The following DOCK4 variants were observed in gnomAD, a reference collection of about 807,000 sequenced individuals.
DOCK4 encodes dedicator of cytokinesis protein 4.
DOCK4 carries 97 observed loss-of-function variants against 268.1 expected under a neutral mutation model. The ratio of observed to expected loss-of-function variants is 0.36; its 90% CI spans 0.31 to 0.43. DOCK4 has a LOEUF of 0.43. DOCK4 is among the 20% of genes least tolerant of loss of function. The probability of loss-of-function intolerance (pLI) is 1.00; values close to 1 mark genes in which losing one functional copy is unlikely to be tolerated. For missense variants in DOCK4, 2,145 were observed against 2,455.7 expected (o/e 0.87, Z 2.67); for synonymous variants, 954 against 887.2 (o/e 1.08, Z -1.34).
chr7:112,171,542 C>G (rs1332397456), intron 1 of DOCK4, among the ~76,000 whole-genome samples: 1 of 151,348 alleles, frequency 6.6e-6, no homozygotes, highest in Non-Finnish European at 1.5e-5. Context: ...TAGGTGTACT[C>G]TATACAGCAT....
Position 111,736,950 on chromosome 7 carries a change from G to A in DOCK4, c.5272C>T (p.Arg1758Cys), listed in dbSNP as rs768706438. The A allele has an allele frequency of 2.7e-5, 43 of 1,605,008 alleles. No individual in the cohort carries two copies. The highest frequency in any genetic ancestry group is 4.0e-5 in the African/African-American group (3 of 74,832). Residue 1758 changes from arginine (R) to cysteine (C), a missense_variant, in exon 50 of 53, where the codon CGC (arginine) becomes TGC (cysteine). By Grantham distance (180) the Arg-to-Cys change is radical (BLOSUM62 -3). Coordinates refer to ENST00000428084, the MANE Select transcript of DOCK4 (RefSeq NM_001363540.2). ...FNHIGDGALPRSDPNLSAPEK... is the reference protein window; with the variant it reads ...FNHIGDGALPCSDPNLSAPEK... ...GGTGCAGAGAGATTTGGGTCACTGC[G>A]TGGCAAGGCCCCGTCTCCAATATGA...
At chr7:111,847,860 T>C (rs538472122) in intron 23 of DOCK4, among the ~76,000 whole-genome samples, 4 of 152,318 alleles carry the variant, frequency 2.6e-5, no homozygotes, top group African/African-American at 9.6e-5. Flanking sequence ...ACACTCCCTT[T>C]TCTCCCCAAG....
At chr7:112,066,105 C>T (rs1211229984) in intron 1 of DOCK4, among the ~76,000 whole-genome samples, 2 of 152,080 alleles carry the variant, frequency 1.3e-5, no homozygotes, top group African/African-American at 4.8e-5. Flanking sequence ...AGCTGGTAAG[C>T]CATTATTTGG....
chr7:111,949,565 C>G (rs1358692394), intron 8 of DOCK4, among the ~76,000 whole-genome samples: 1 of 151,432 alleles, frequency 6.6e-6, no homozygotes, highest in Non-Finnish European at 1.5e-5. Context: ...AAGATACAAA[C>G]AGACTGAAAA....
At chr7:111,748,722 G>A (rs1018536353) in intron 42 of DOCK4, among the ~76,000 whole-genome samples, 6 of 152,108 alleles carry the variant, frequency 3.9e-5, no homozygotes, top group African/African-American at 1.2e-4. Context: ...GTGTGTGTGT[G>A]TATATCGATT....
intron 1 of DOCK4, among the ~76,000 whole-genome samples, chr7:112,051,067 A>G (rs1176449796): frequency 6.6e-6 from 1 of 152,160 alleles, no homozygotes; most frequent in Non-Finnish European, 1.5e-5. Context: ...TTAGGCACAC[A>G]TATATGTTAA....
At chr7:111,800,367 C>A (rs990850492) in intron 30 of DOCK4, among the ~76,000 whole-genome samples, 1 of 152,126 alleles carries the variant, frequency 6.6e-6, no homozygotes, top group Non-Finnish European at 1.5e-5. Flanking sequence ...ATTATTTTAG[C>A]CACCCAATAA....
intron 40 of DOCK4, among the ~76,000 whole-genome samples, chr7:111,759,869 G>A (rs936001342): frequency 6.6e-6 from 1 of 152,012 alleles, no homozygotes; most frequent in Non-Finnish European, 1.5e-5. Context: ...CACAGGATAT[G>A]TCAAAGGAAG....
At chr7:112,115,200 C>T (rs1425622576) in intron 1 of DOCK4, among the ~76,000 whole-genome samples, 4 of 152,192 alleles carry the variant, frequency 2.6e-5, no homozygotes, top group African/African-American at 9.6e-5. Flanking sequence ...AAAAGAATCA[C>T]CTGGCAATCT....
At chr7:111,888,789 C>T (rs566850156) in intron 16 of DOCK4, among the ~76,000 whole-genome samples, 3 of 152,228 alleles carry the variant, frequency 2.0e-5, no homozygotes, top group Middle Eastern at 3.4e-3. Flanking sequence ...AACTAGGACA[C>T]ATGGAAAATT....
At chr7:111,868,197 A>C in intron 21 of DOCK4, 43 bp from the exon 22 acceptor site, 1 of 1,459,410 alleles carries the variant, frequency 6.9e-7, no homozygotes, top group Non-Finnish European at 9.3e-7. Context: ...AAGGAGACAA[A>C]GAGTATTTAT....
chr7:111,802,799 A>G (rs1399922790), intron 30 of DOCK4, among the ~76,000 whole-genome samples: 4 of 152,166 alleles, frequency 2.6e-5, no homozygotes, highest in African/African-American at 9.7e-5. Context: ...AAAAAAATCC[A>G]TACATCCATC....
At chr7:111,951,850 G>A (rs1380675525) in intron 8 of DOCK4, among the ~76,000 whole-genome samples, 1 of 151,834 alleles carries the variant, frequency 6.6e-6, no homozygotes, top group Non-Finnish European at 1.5e-5. Context: ...GTGTACTCCA[G>A]GGGTAAGACC....
rs779924725 is a variant in DOCK4 at position 111,824,036 on chromosome 7, G to A, written c.2836-1580C>T. The stretch of plus-strand genomic sequence containing the variant: ...ACACATATGTTGATATGTAGTATGC[G>A]CCATGTGGAAACATGCCCACTAGGT... On this transcript the variant is annotated intron_variant, in intron 26 of 52. Coordinates refer to ENST00000428084, the MANE Select transcript of DOCK4 (RefSeq NM_001363540.2). Among the ~76,000 whole-genome samples the A allele has an allele frequency of 8.5e-5, 13 of 152,216 alleles. 1 individual carries two copies. The highest frequency in any genetic ancestry group is 1.2e-4 in the African/African-American group (5 of 41,536).
At chr7:112,073,253 G>A (rs1807764514) in intron 1 of DOCK4, among the ~76,000 whole-genome samples, 1 of 151,964 alleles carries the variant, frequency 6.6e-6, no homozygotes, top group Admixed American at 6.6e-5. Context: ...CTGCAGACCT[G>A]TATAGATTCC....
At chr7:112,191,451 C>T (rs1038330648) in intron 1 of DOCK4, among the ~76,000 whole-genome samples, 1 of 152,060 alleles carries the variant, frequency 6.6e-6, no homozygotes, top group African/African-American at 2.4e-5. Flanking sequence ...TGCCCCACAC[C>T]CCCACCCACC....
chr7:112,033,454 C>G (rs73432735), intron 1 of DOCK4, among the ~76,000 whole-genome samples: 3,245 of 152,260 alleles, frequency 0.021, 108 homozygotes, highest in African/African-American at 0.074. Context: ...CATGCTACAT[C>G]CTGCTAATGA....
chr7:111,824,565 G>A (rs1331778335), intron 26 of DOCK4, among the ~76,000 whole-genome samples: 1 of 152,154 alleles, frequency 6.6e-6, no homozygotes. Flanking sequence ...TAGTGGTGGT[G>A]TGTATGTATG....
At chr7:111,891,386 A>C (rs1314119335) in intron 16 of DOCK4, among the ~76,000 whole-genome samples, 1 of 152,188 alleles carries the variant, frequency 6.6e-6, no homozygotes, top group Non-Finnish European at 1.5e-5. Flanking sequence ...TAAAGTATTA[A>C]CAATAAGCAC....
Sources: allele counts gnomAD v4.1 joint callset (sites outside exome capture counted in the v4.1 genomes callset), GRCh38; gene constraint gnomAD v4.1.1; transcripts MANE v1.5; gene names NCBI Gene and HGNC (gene_info 2026-07-23, HGNC 2026-07-21).